BBS7: variants seen among roughly 807,000 people sequenced by gnomAD.
BBS7 encodes the protein Bardet-Biedl syndrome 7, also known as BBSome complex member BBS7.
In BBS7, 50 loss-of-function variants were observed where a neutral mutation model predicts 90.3. The observed-to-expected ratio is 0.55, with a 90% CI of 0.44 to 0.70. The LOEUF (loss-of-function observed/expected upper bound fraction) is 0.70. Among genes scored for constraint, BBS7 ranks in the 30% least tolerant of loss-of-function variants. BBS7 has a pLI of 0.00. For synonymous variants in BBS7, 235 were observed against 287.4 expected, an observed-to-expected ratio of 0.82 and a Z score of 1.85; for missense variants, 729 against 838.9, an observed-to-expected ratio of 0.87 and a Z score of 1.62.
intron 8 of BBS7, among the ~76,000 whole-genome samples, chr4:121,850,859 CT>C (rs2149074991): frequency 6.6e-6 from 1 of 152,250 alleles, no homozygotes; most frequent in South Asian, 2.1e-4. Context: ...GCAAATTAGG[CT>C]ATGATAGTTG....
At chr4:121,841,903 TAATAC>T (rs202105651) in intron 12 of BBS7, among the ~76,000 whole-genome samples, 1,721 of 152,276 alleles carry the variant, frequency 0.011, 45 homozygotes, top group African/African-American at 0.04. Flanking sequence ...ATTGATAATA[TAATAC>T]AACTGTTATA....
In BBS7 at chr4:121,833,323, CA is replaced by C; in HGVS notation, c.1583del (p.Leu528ArgfsTer14). The C allele has an allele frequency of 6.2e-7, 1 of 1,613,914 alleles. No individual in the cohort carries two copies. The stretch of plus-strand genomic sequence containing the variant: ...CTGGAGGTTTTTCTGGAACTTCAGG[CA>C]GACAAAAAACCACCCAGGAGTGAAC... Reference protein sequence around the residue: ...AEVHSWVVFCLPEVPEKPPAG... With the variant: ...AEVHSWVVFCXPEVPEKPPAG... On this transcript the variant is annotated frameshift_variant, in exon 15 of 19. Coordinates refer to ENST00000264499, the MANE Select transcript of BBS7 (RefSeq NM_176824.3). LOFTEE classifies it high-confidence loss of function.
intron 13 of BBS7, among the ~76,000 whole-genome samples, chr4:121,837,629 T>C (rs1157931004): frequency 1.3e-5 from 2 of 152,198 alleles, no homozygotes; most frequent in East Asian, 1.9e-4. Context: ...TTCTGTTGCA[T>C]GGCCTATTTA....
intron 8 of BBS7, among the ~76,000 whole-genome samples, chr4:121,852,755 T>C (rs915155929): frequency 2.6e-5 from 4 of 152,096 alleles, no homozygotes; most frequent in Non-Finnish European, 5.9e-5. Flanking sequence ...GAAAAAGTAA[T>C]TTGTTATCCT....
intron 2 of BBS7, among the ~76,000 whole-genome samples, chr4:121,864,535 C>T (rs928780461): frequency 6.6e-6 from 1 of 152,082 alleles, no homozygotes. Flanking sequence ...GTTATGTAAA[C>T]ATGTAATAAT....
chr4:121,839,558 T>A, intron 13 of BBS7, 73 bp downstream of exon 13: 2 of 1,195,346 alleles, frequency 1.7e-6, no homozygotes, highest in East Asian at 4.8e-5. Context: ...AATAATATCA[T>A]ATGTTGTAAG....
chr4:121,858,441 T>C (rs1043819353), intron 5 of BBS7, among the ~76,000 whole-genome samples: 12 of 152,226 alleles, frequency 7.9e-5, no homozygotes, highest in African/African-American at 2.9e-4. Context: ...GTAACTATTA[T>C]TACTCATAAC....
chr4:121,867,949 G>A (rs1727376937), intron 2 of BBS7, 32 bp downstream of exon 2: 2 of 1,552,366 alleles, frequency 1.3e-6, no homozygotes, highest in Non-Finnish European at 1.8e-6. Context: ...CACTGCTAGG[G>A]AATAGTGGAG....
chr4:121,842,251 C>CA (rs1270788731), intron 12 of BBS7, among the ~76,000 whole-genome samples: 4,472 of 66,200 alleles, frequency 0.068, 180 homozygotes, highest in South Asian at 0.2. Context: ...GACTCCATCT[C>CA]AAAAAAAAAA....
intron 7 of BBS7, 62 bp from the exon 8 acceptor site, chr4:121,853,148 C>T: frequency 6.4e-7 from 1 of 1,559,598 alleles, no homozygotes; most frequent in Non-Finnish European, 8.8e-7. Flanking sequence ...AAGTATATGC[C>T]AAGTAAGAAT....
At position 121,859,796 on chromosome 4, in the gene BBS7, T is replaced by C. The variant is rs139429439; in HGVS notation, c.342-618A>G. Among the ~76,000 whole-genome samples the C allele has an allele frequency of 2.9e-3, 448 of 152,192 alleles. 3 individuals carry two copies. Among genetic ancestry groups the C allele is most frequent in the Middle Eastern group, 0.017 (5 of 294 alleles). ...AAAAAAAGATTTCATTAGAACTTTA[T>C]CTTGAAAAAAGAAATGAAAACAAGT... On this transcript the variant is annotated intron_variant, in intron 4 of 18. Coordinates refer to ENST00000264499, the MANE Select transcript of BBS7 (RefSeq NM_176824.3).
intron 11 of BBS7, 117 bp from the exon 12 acceptor site, chr4:121,844,118 G>C: frequency 1.5e-6 from 1 of 665,918 alleles, no homozygotes; most frequent in Non-Finnish European, 2.6e-6. Flanking sequence ...TTAAATTTGA[G>C]AGTATGAATT....
chr4:121,853,671 G>C (rs955265246), intron 7 of BBS7, among the ~76,000 whole-genome samples: 4 of 151,852 alleles, frequency 2.6e-5, no homozygotes, highest in Non-Finnish European at 5.9e-5. Flanking sequence ...CTTCTAACTG[G>C]TCTCCATGCT....
intron 10 of BBS7, 68 bp downstream of exon 10, chr4:121,847,336 G>T: frequency 2.0e-6 from 2 of 987,046 alleles, no homozygotes; most frequent in Non-Finnish European, 3.2e-6. Flanking sequence ...GCATCTATAA[G>T]TAATAAAAAG....
chr4:121,857,814 T>TTC (rs1204198800), intron 5 of BBS7, among the ~76,000 whole-genome samples: 1 of 149,048 alleles, frequency 6.7e-6, no homozygotes, highest in Non-Finnish European at 1.5e-5. Flanking sequence ...TTTTCTTTTT[T>TTC]TTTTTTTTTT....
chr4:121,829,338 G>A (rs1407221643), intron 15 of BBS7, among the ~76,000 whole-genome samples: 3 of 151,482 alleles, frequency 2.0e-5, no homozygotes, highest in East Asian at 1.9e-4. Context: ...GGGTTCAAGC[G>A]ATTCTCCTGC....
intron 8 of BBS7, 144 bp from the exon 9 acceptor site, chr4:121,849,072 G>C: frequency 1.2e-5 from 7 of 567,598 alleles, no homozygotes; most frequent in Middle Eastern, 2.8e-4. Context: ...AGATTAGAAA[G>C]ACAAAATATC....
rs899550349 is a variant in BBS7, at chr4:121,864,647, A to C, written c.103-1368T>G. On this transcript the variant is annotated intron_variant, in intron 2 of 18. Transcript: ENST00000264499. ...TAAACAAATGTTCTTTGGGATCCTC[A>C]ATCATTTAATTGTGTAAAGGGGTGC... is the stretch of plus-strand genomic sequence containing the variant. Among the ~76,000 whole-genome samples, 2 of 152,328 alleles carry C rather than the reference A, an allele frequency of 1.3e-5. 1 individual carries two copies. Among genetic ancestry groups the C allele is most frequent in the South Asian group, 4.1e-4 (2 of 4,828 alleles).
At chr4:121,833,119 C>T in intron 15 of BBS7, 112 bp downstream of exon 15, 2 of 1,009,826 alleles carry the variant, frequency 2.0e-6, no homozygotes. Context: ...TTATCTTGAA[C>T]AGTATAGATT....
Sources: allele counts gnomAD v4.1 joint callset (sites outside exome capture counted in the v4.1 genomes callset), GRCh38; gene constraint gnomAD v4.1.1; transcripts MANE v1.5; gene names NCBI Gene and HGNC (gene_info 2026-07-23, HGNC 2026-07-21).